Variants in SHPRH observed in about 807,000 individuals in gnomAD.
The protein encoded by SHPRH is SNF2 histone linker PHD RING helicase, also known as E3 ubiquitin-protein ligase SHPRH.
In SHPRH, 106 loss-of-function variants were observed where a neutral mutation model predicts 202.5. The ratio of observed to expected loss-of-function variants is 0.52; its 90% CI spans 0.45 to 0.62. The LOEUF (loss-of-function observed/expected upper bound fraction) is 0.62, where lower values mean the gene tolerates loss of function less well. Ranked by LOEUF, SHPRH falls within the 20% of genes least tolerant of loss-of-function variation. The pLI is 0.00. For synonymous variants in SHPRH, 729 were observed against 686.0 expected, an observed-to-expected ratio of 1.06 and a Z score of -0.98; for missense variants, 1,710 against 2,020.0, an observed-to-expected ratio of 0.85 and a Z score of 2.94.
At chr6:145,876,642 A>G (rs995666639) in intron 2 of SHPRH, 8 of 152,064 alleles carry the variant, frequency 5.3e-5, no homozygotes, top group Admixed American at 1.3e-4. Flanking sequence ...TTCACATACA[A>G]GTTTTTCTGT....
At chr6:145,942,792 A>C (rs921404372) in intron 9 of SHPRH, among the ~76,000 whole-genome samples, 4 of 152,200 alleles carry the variant, frequency 2.6e-5, no homozygotes, top group Non-Finnish European at 5.9e-5. Context: ...ATGGCAGATC[A>C]GATAAGTAGC....
intron 1 of SHPRH, among the ~76,000 whole-genome samples, chr6:145,958,565 TTTA>T (rs1238190931): frequency 6.6e-6 from 1 of 152,164 alleles, no homozygotes; most frequent in East Asian, 1.9e-4. Context: ...TGACTGAACC[TTTA>T]TTTAGGAACA....
intron 3 of SHPRH, among the ~76,000 whole-genome samples, chr6:145,950,858 C>A (rs200672340): frequency 1.9e-4 from 6 of 31,902 alleles, no homozygotes; most frequent in African/African-American, 4.9e-4. Context: ...GAAGCTGACA[C>A]GTAGCTGACA....
rs1783612349 is a variant in SHPRH, at chr6:145,912,822, T to C, written c.4326+656A>G. Among the ~76,000 whole-genome samples, 2 of 152,168 alleles carry C rather than the reference T, an allele frequency of 1.3e-5. 1 individual carries two copies. Among genetic ancestry groups the C allele is most frequent in the Middle Eastern group, 6.8e-3 (2 of 294 alleles). ...TCTTCAACAGTAATAGGCTTATCTT[T>C]CAAATTTTCAAGAGCAATGAATAGT... On this transcript the variant is annotated intron_variant, in intron 24 of 29. Coordinates refer to ENST00000275233, the MANE Select transcript of SHPRH (RefSeq NM_001042683.3).
rs778045404 is a variant in SHPRH at position 145,940,677 on chromosome 6, T to C, written c.2569+46A>G. The C allele has an allele frequency of 5.7e-6, 9 of 1,584,654 alleles. No homozygotes were observed. In the Admixed American group the frequency reaches 6.7e-5, roughly 12 times the overall value. ...TAACAATACTTTTCTCTCTAAAAAA[T>C]GAAGCTTTTCAAATGCATGCAATAT... On this transcript the variant is annotated intron_variant, in intron 11 of 29. Transcript: ENST00000275233.
At chr6:145,943,914 C>T in intron 8 of SHPRH, 112 bp from the exon 9 acceptor site, 1 of 1,033,522 alleles carries the variant, frequency 9.7e-7, no homozygotes. Flanking sequence ...TCTTTGCTAC[C>T]CTTTTCCCTG....
At chr6:145,963,620 G>A (rs1208790381) in intron 1 of SHPRH, 111 bp downstream of exon 1, 1 of 152,200 alleles carries the variant, frequency 6.6e-6, no homozygotes, top group East Asian at 1.9e-4. Flanking sequence ...CTTTGAGTGG[G>A]ACTGAGAAAC....
In SHPRH at chr6:145,886,319, A is replaced by C; in HGVS notation, c.*372T>G. ...AAACTGAGATCTATGTTTGTTCAATATACCAGGTCATATAAAACTAGACTA... is the reference window on the plus strand; with the variant it reads ...AAACTGAGATCTATGTTTGTTCAATCTACCAGGTCATATAAAACTAGACTA... On this transcript the variant is annotated 3_prime_UTR_variant, in exon 30 of 30. Transcript: ENST00000275233. 1 of 590,648 alleles carries C rather than the reference A, an allele frequency of 1.7e-6. No individual in the cohort carries two copies. 36.6% of individuals were successfully genotyped at this position (590,648 alleles called of 1,614,324 possible).
chr6:145,949,107 G>A (rs551943428), intron 4 of SHPRH, among the ~76,000 whole-genome samples: 7 of 152,118 alleles, frequency 4.6e-5, no homozygotes, highest in South Asian at 2.1e-4. Context: ...GCTTTTACAC[G>A]GCTGATGGGA....
rs1394714293 is a variant in SHPRH, at chr6:145,933,279, C to T, written c.2991-101G>A. ...CATGATCAAGAGTGTATGAGACTCG[C>T]AGTTTTTGTGGTATCTCTAGCATTT... On this transcript the variant is annotated intron_variant, in intron 13 of 29. Transcript: ENST00000275233. The T allele has an allele frequency of 2.7e-6, 4 of 1,503,780 alleles. No individual in the cohort carries two copies. In the East Asian group the frequency reaches 9.3e-5, roughly 35 times the overall value. The allele number at this position is 1,503,780 out of a possible 1,614,324, so 93.2% of individuals were successfully genotyped here. A position where few individuals can be genotyped will look rare whatever the true frequency, so the allele number is the denominator to read the frequency against.
rs756267259 is a variant in SHPRH, at chr6:145,887,932, C to T, written c.4955+88G>A. On this transcript the variant is annotated intron_variant, in intron 29 of 29. Transcript: ENST00000275233. ...AAAAACGTATTTGTGCTATATTTTT[C>T]GTTGTCATCTAAGTGAAGAAGTTCT... 5.4e-4 allele frequency: 543 copies of T among 1,010,360 alleles called. 2 individuals are homozygous for T. The highest frequency in any genetic ancestry group is 1.3e-3 in the South Asian group (92 of 70,176). The allele number at this position is 1,010,360 out of a possible 1,614,324, so 62.6% of individuals were successfully genotyped here.
intron 23 of SHPRH, 125 bp downstream of exon 23, chr6:145,918,006 T>C (rs913269356): frequency 5.2e-6 from 3 of 576,654 alleles, no homozygotes; most frequent in Admixed American, 7.1e-5. Context: ...ACATAGGTAG[T>C]GTTCTGACTC....
At chr6:145,961,626 C>T (rs760455620) in intron 1 of SHPRH, among the ~76,000 whole-genome samples, 73 of 152,190 alleles carry the variant, frequency 4.8e-4, no homozygotes, top group Admixed American at 7.8e-4. Context: ...ATTATGTACA[C>T]CATTATAATT....
intron 24 of SHPRH, among the ~76,000 whole-genome samples, chr6:145,911,761 T>A (rs1465481123): frequency 1.3e-5 from 2 of 152,106 alleles, no homozygotes; most frequent in African/African-American, 4.8e-5. Context: ...TCTAAGATGC[T>A]CTTTGGAAAA....
rs1183240841 is a variant in SHPRH, at chr6:145,893,364, G to A, written c.4725C>T (p.Pro1575=). 1 of 1,591,154 alleles carries A rather than the reference G, an allele frequency of 6.3e-7. No homozygotes were observed. Among genetic ancestry groups the A allele is most frequent in the African/African-American group, 1.4e-5 (1 of 73,096 alleles). The change falls in exon 28 of 30, where the codon CCC becomes CCT. Residue 1575 remains proline (P), a synonymous_variant. Coordinates refer to ENST00000275233, the MANE Select transcript of SHPRH (RefSeq NM_001042683.3). ...GGGGCAGCAGCAAAATATTGATTTG[G>A]GGATCACGTTTAAATGCTGAAAGGT... ...QENLSAFKRD[P]QINILLLPLH...
In SHPRH at chr6:145,889,527, C is replaced by A. The variant is rs116097922; in HGVS notation, c.4875-1427G>T. Among the ~76,000 whole-genome samples the A allele has an allele frequency of 5.2e-3, 798 of 152,164 alleles. 10 individuals are homozygous for A. Among genetic ancestry groups the A allele is most frequent in the African/African-American group, 0.018 (761 of 41,518 alleles). Reference sequence around the variant, plus strand: ...GTGGAGGATTCAACACCTGACTTCACGTGATGAGTCACAGTCAAAACACAT... The same window carrying A: ...GTGGAGGATTCAACACCTGACTTCAAGTGATGAGTCACAGTCAAAACACAT... On this transcript the variant is annotated intron_variant, in intron 28 of 29. Transcript: ENST00000275233.
At chr6:145,937,601 C>T (rs1237284383) in intron 11 of SHPRH, among the ~76,000 whole-genome samples, 1 of 152,048 alleles carries the variant, frequency 6.6e-6, no homozygotes, top group South Asian at 2.1e-4. Flanking sequence ...GTGTTTAAAT[C>T]GTTTCAATAG....
chr6:145,955,489 A>G (rs941256540), intron 1 of SHPRH, 135 bp from the exon 2 acceptor site: 4 of 791,986 alleles, frequency 5.1e-6, no homozygotes, highest in African/African-American at 3.4e-5. Context: ...TAAGGCAATG[A>G]GTAATTTTTT....
In SHPRH at chr6:145,886,415, T is replaced by G; in HGVS notation, c.*276A>C. 2.6e-6 allele frequency: 2 copies of G among 763,912 alleles called. No homozygotes were observed. The highest frequency in any genetic ancestry group is 4.8e-6 in the Non-Finnish European group (2 of 414,238). The allele number at this position is 763,912 out of a possible 1,614,324, so 47.3% of individuals were successfully genotyped here. On this transcript the variant is annotated 3_prime_UTR_variant, in exon 30 of 30. Transcript: ENST00000275233. ...GAAAAGTACACATTACCTCTCTTAA[T>G]TCCCTTGCATCATCAGATATAGATA...
Sources: gnomAD v4.1 joint callset for allele counts (sites outside exome capture counted in the v4.1 genomes callset) on GRCh38, gnomAD v4.1.1 for gene constraint, MANE v1.5 for transcripts, NCBI Gene and HGNC (gene_info 2026-07-23, HGNC 2026-07-21) for gene names.